RBFOX1: variants seen among roughly 807,000 people sequenced by gnomAD.
The protein encoded by RBFOX1 is RNA binding fox-1 homolog 1.
RBFOX1 carries 8 observed loss-of-function variants against 57.7 expected under a neutral mutation model. The ratio of observed to expected loss-of-function variants is 0.14; its 90% CI spans 0.08 to 0.25. The LOEUF is 0.25. Ranked by LOEUF, RBFOX1 falls within the 10% of genes least tolerant of loss-of-function variation. The probability of loss-of-function intolerance (pLI) is 1.00; values close to 1 mark genes in which losing one functional copy is unlikely to be tolerated. For missense variants in RBFOX1, 611 were observed against 548.5 expected, an observed-to-expected ratio of 1.11 and a Z score of -1.14; for synonymous variants, 326 against 222.4, an observed-to-expected ratio of 1.47 and a Z score of -4.15.
At chr16:5,969,738 G>T (rs1440058070) in intron 4 of RBFOX1, among the ~76,000 whole-genome samples, 1 of 151,826 alleles carries the variant, frequency 6.6e-6, no homozygotes, top group Non-Finnish European at 1.5e-5. Context: ...TTAAAAAATT[G>T]TCCCTTGCTG....
At chr16:6,590,821 C>G (rs1053925141) in intron 2 of RBFOX1, among the ~76,000 whole-genome samples, 1 of 140,760 alleles carries the variant, frequency 7.1e-6, no homozygotes, top group African/African-American at 2.7e-5. Flanking sequence ...ATGGACAGCT[C>G]TGTCATATTG....
intron 4 of RBFOX1, among the ~76,000 whole-genome samples, chr16:7,383,320 T>C (rs1231240825): frequency 6.0e-5 from 9 of 150,096 alleles, no homozygotes; most frequent in African/African-American, 2.0e-4. Flanking sequence ...TTTTATAATA[T>C]AACTTCTCTG....
chr16:6,069,936 G>A (rs1011621679), intron 1 of RBFOX1, among the ~76,000 whole-genome samples: 3 of 152,104 alleles, frequency 2.0e-5, no homozygotes, highest in East Asian at 1.9e-4. Flanking sequence ...GCAGTGAGCC[G>A]AGATCCAACC....
At chr16:7,080,546 CT>C (rs1426436358) in intron 4 of RBFOX1, among the ~76,000 whole-genome samples, 3 of 152,168 alleles carry the variant, frequency 2.0e-5, no homozygotes, top group African/African-American at 7.2e-5. Context: ...CCTGTAGTCA[CT>C]TAAGCTCTCT....
intron 6 of RBFOX1, among the ~76,000 whole-genome samples, chr16:7,585,443 C>T (rs1041778701): frequency 3.3e-5 from 5 of 152,112 alleles, no homozygotes; most frequent in African/African-American, 1.2e-4. Context: ...GCAATGTGAC[C>T]CCTTTCCATG....
chr16:6,524,556 G>A (rs532814709), intron 2 of RBFOX1, among the ~76,000 whole-genome samples: 1 of 152,248 alleles, frequency 6.6e-6, no homozygotes, highest in Admixed American at 6.5e-5. Flanking sequence ...AAGGTTGTGG[G>A]CACAGTTTTT....
chr16:6,785,138 G>GTTA (rs142345737), intron 3 of RBFOX1, among the ~76,000 whole-genome samples: 3,210 of 152,106 alleles, frequency 0.021, 73 homozygotes, highest in African/African-American at 0.06. Flanking sequence ...TAAATATAGT[G>GTTA]TTATATTTCA....
intron 3 of RBFOX1, among the ~76,000 whole-genome samples, chr16:6,701,376 T>G (rs920153621): frequency 7.2e-5 from 11 of 152,216 alleles, no homozygotes; most frequent in Non-Finnish European, 1.5e-4. Flanking sequence ...ATCATCTTAC[T>G]GACTCCACAA....
At chr16:7,616,375 C>T (rs370084966) in intron 10 of RBFOX1, among the ~76,000 whole-genome samples, 26 of 152,282 alleles carry the variant, frequency 1.7e-4, no homozygotes, top group African/African-American at 5.8e-4. Flanking sequence ...CTCACCTGAG[C>T]CTTAGTGTCC....
chr16:6,679,676 A>G (rs1440871727), intron 3 of RBFOX1, among the ~76,000 whole-genome samples: 1 of 152,150 alleles, frequency 6.6e-6, no homozygotes, highest in Non-Finnish European at 1.5e-5. Context: ...TATAAAGCAT[A>G]GTCTAAACTA....
At chr16:6,389,812 C>G (rs764240979) in intron 2 of RBFOX1, among the ~76,000 whole-genome samples, 3 of 152,158 alleles carry the variant, frequency 2.0e-5, no homozygotes, top group Non-Finnish European at 2.9e-5. Context: ...AAGCTATGGA[C>G]TGGTAAGGCT....
rs533047674 is a variant in RBFOX1, at chr16:5,374,178, T to C, written c.220-93038T>C. ...GTCTTGAACTCCTGAGCTCAGCTGT[T>C]CCACCCACCTCGGCCTTCCAAAGTG... On this transcript the variant is annotated intron_variant, in intron 1 of 2. Transcript: ENST00000585867. Among the ~76,000 whole-genome samples the C allele has an allele frequency of 4.5e-4, 69 of 152,356 alleles. 1 individual carries two copies. The highest frequency in any genetic ancestry group is 1.6e-3 in the African/African-American group (67 of 41,584).
At chr16:7,527,574 G>A (rs1695092002) in intron 5 of RBFOX1, among the ~76,000 whole-genome samples, 1 of 152,270 alleles carries the variant, frequency 6.6e-6, no homozygotes, top group East Asian at 1.9e-4. Context: ...GGGAGAAGCA[G>A]AGTAGAATCT....
chr16:6,405,663 G>A (rs1188278676), intron 2 of RBFOX1, among the ~76,000 whole-genome samples: 1 of 152,100 alleles, frequency 6.6e-6, no homozygotes, highest in Non-Finnish European at 1.5e-5. Flanking sequence ...AAGTGAATAG[G>A]CATAATATCT....
At chr16:7,114,182 G>T (rs773331257) in intron 4 of RBFOX1, among the ~76,000 whole-genome samples, 8 of 152,158 alleles carry the variant, frequency 5.3e-5, no homozygotes, top group Non-Finnish European at 8.8e-5. Flanking sequence ...TTCAGAGGCA[G>T]ATCAGTCTTT....
chr16:6,589,662 T>C (rs2097683018), intron 2 of RBFOX1, among the ~76,000 whole-genome samples: 3 of 152,238 alleles, frequency 2.0e-5, no homozygotes. Context: ...TTTCTAATCT[T>C]GTGGCTCATT....
At chr16:6,479,458 C>T (rs1163621790) in intron 2 of RBFOX1, among the ~76,000 whole-genome samples, 1 of 151,856 alleles carries the variant, frequency 6.6e-6, no homozygotes, top group African/African-American at 2.4e-5. Flanking sequence ...CATGGTGGCA[C>T]ACACCTGTAG....
chr16:7,588,227 CAG>C (rs1420961125), intron 7 of RBFOX1, among the ~76,000 whole-genome samples: 1 of 152,098 alleles, frequency 6.6e-6, no homozygotes. Flanking sequence ...AAGAGAAAAA[CAG>C]AAACATTTCT....
At chr16:5,367,158 T>C (rs1280149679) in intron 1 of RBFOX1, among the ~76,000 whole-genome samples, 1 of 152,232 alleles carries the variant, frequency 6.6e-6, no homozygotes, top group Non-Finnish European at 1.5e-5. Flanking sequence ...TGTGTATAAA[T>C]TTGATCTGGT....
Sources: gnomAD v4.1 joint callset for allele counts (sites outside exome capture counted in the v4.1 genomes callset) on GRCh38, gnomAD v4.1.1 for gene constraint, MANE v1.5 for transcripts, NCBI Gene and HGNC (gene_info 2026-07-23, HGNC 2026-07-21) for gene names.